The following MYO1D variants were observed in gnomAD, a reference collection of about 807,000 sequenced individuals.
MYO1D encodes the protein myosin ID, also known as unconventional myosin-Id.
In MYO1D, 83 loss-of-function variants were observed where a neutral mutation model predicts 122.0. The observed-to-expected ratio is 0.68, with a 90% CI of 0.57 to 0.82. The LOEUF (loss-of-function observed/expected upper bound fraction) is 0.82. Among genes scored for constraint, MYO1D ranks in the 40% least tolerant of loss-of-function variants. The pLI, the probability that MYO1D is intolerant of heterozygous loss-of-function variation, is 0.00. For missense variants in MYO1D, 1,157 were observed against 1,269.5 expected (o/e 0.91, Z 1.35); for synonymous variants, 464 against 446.9 (o/e 1.04, Z -0.48).
Position 32,494,795 on chromosome 17 carries a change from A to C in MYO1D, c.2985T>G (p.Asn995Lys). The change falls in exon 22 of 22, where the codon AAT becomes AAG. Residue 995 changes from asparagine to lysine, a missense_variant. Transcript: ENST00000318217. Reference protein sequence around the residue: ...LNQPQPDFTKNRSGFILSVPG... With the variant: ...LNQPQPDFTKKRSGFILSVPG... ...GCACGCTGAGGATGAAGCCCGAGCG[A>C]TTCTTGGTGAAGTCGGGCTGGGGCT... is the stretch of plus-strand genomic sequence containing the variant. 1 of 1,612,664 alleles carries C rather than the reference A, an allele frequency of 6.2e-7. No individual in the cohort carries two copies. Among genetic ancestry groups the C allele is most frequent in the Non-Finnish European group, 8.5e-7 (1 of 1,179,404 alleles).
chr17:32,726,419 C>CAA (rs61627449), intron 14 of MYO1D, among the ~76,000 whole-genome samples: 31 of 136,038 alleles, frequency 2.3e-4, no homozygotes, highest in East Asian at 8.1e-4. Context: ...GACCCTGTCT[C>CAA]AAAAAAAAAA....
chr17:32,674,805 T>C (rs549923147), intron 16 of MYO1D, among the ~76,000 whole-genome samples: 6 of 152,276 alleles, frequency 3.9e-5, no homozygotes, highest in Non-Finnish European at 8.8e-5. Context: ...AATGCAGCCC[T>C]GCATCCCAAA....
At chr17:32,636,827 G>A (rs1292663493) in intron 20 of MYO1D, among the ~76,000 whole-genome samples, 1 of 152,206 alleles carries the variant, frequency 6.6e-6, no homozygotes, top group Non-Finnish European at 1.5e-5. Context: ...GGCAAAGCAG[G>A]TTTGGCAGCC....
Position 32,765,082 on chromosome 17 carries a change from C to A in MYO1D, c.832-1G>T, listed in dbSNP as rs1567630615. On this transcript the variant is annotated splice_acceptor_variant, in intron 7 of 21. Transcript: ENST00000318217. LOFTEE classifies it high-confidence loss of function. ...CATCTACTACAAATTTTAAATTTCC[C>A]TGTATCAAAAGTGAAAAAAATAACA... 9.3e-6 allele frequency: 15 copies of A among 1,609,520 alleles called. No homozygotes were observed. The highest frequency in any genetic ancestry group is 1.3e-5 in the Non-Finnish European group (15 of 1,176,804).
At chr17:32,768,405 T>C (rs967976589) in intron 6 of MYO1D, among the ~76,000 whole-genome samples, 1 of 152,194 alleles carries the variant, frequency 6.6e-6, no homozygotes, top group African/African-American at 2.4e-5. Flanking sequence ...GGCCATCACA[T>C]TGGAAATACA....
chr17:32,845,669 CTTAAA>C (rs1222700389), intron 1 of MYO1D, among the ~76,000 whole-genome samples: 3 of 152,248 alleles, frequency 2.0e-5, no homozygotes, highest in Non-Finnish European at 2.9e-5. Context: ...GGCTATTAAA[CTTAAA>C]TTAAAGGGAA....
At chr17:32,639,823 C>T (rs1218632842) in intron 19 of MYO1D, among the ~76,000 whole-genome samples, 1 of 152,114 alleles carries the variant, frequency 6.6e-6, no homozygotes, top group Non-Finnish European at 1.5e-5. Flanking sequence ...AAAAAGCCCT[C>T]CTCAACTAGA....
chr17:32,615,224 G>C (rs1056712950), intron 20 of MYO1D, among the ~76,000 whole-genome samples: 10 of 152,198 alleles, frequency 6.6e-5, no homozygotes, highest in Non-Finnish European at 1.0e-4. Flanking sequence ...AGCTGGAAAG[G>C]TTCTGAGAGA....
intron 1 of MYO1D, among the ~76,000 whole-genome samples, chr17:32,784,983 C>T (rs549980511): frequency 6.6e-6 from 1 of 152,198 alleles, no homozygotes; most frequent in South Asian, 2.1e-4. Context: ...AGGGAGTTTA[C>T]ATTTGATGTG....
At chr17:32,620,854 T>C (rs988953905) in intron 20 of MYO1D, among the ~76,000 whole-genome samples, 2 of 152,132 alleles carry the variant, frequency 1.3e-5, no homozygotes, top group Non-Finnish European at 2.9e-5. Context: ...CTTTTAAGAA[T>C]TTGAAAAAAG....
chr17:32,679,515 G>A (rs1228882025), intron 16 of MYO1D, among the ~76,000 whole-genome samples: 1 of 151,878 alleles, frequency 6.6e-6, no homozygotes, highest in East Asian at 1.9e-4. Context: ...ATTAAATAGG[G>A]AATCCTTTCC....
intron 4 of MYO1D, among the ~76,000 whole-genome samples, chr17:32,773,531 C>G (rs1247181338): frequency 2.1e-5 from 3 of 140,170 alleles, no homozygotes; most frequent in Non-Finnish European, 3.1e-5. Context: ...CCACTCCCTA[C>G]CCCCACCCCC....
chr17:32,806,335 T>G (rs538071938), intron 1 of MYO1D, among the ~76,000 whole-genome samples: 1 of 152,310 alleles, frequency 6.6e-6, no homozygotes, highest in South Asian at 2.1e-4. Flanking sequence ...GTTTTTCAAT[T>G]AGAGTTTAAA....
At chr17:32,646,587 A>G (rs566558505) in intron 19 of MYO1D, among the ~76,000 whole-genome samples, 23 of 152,274 alleles carry the variant, frequency 1.5e-4, no homozygotes, top group Admixed American at 1.4e-3. Flanking sequence ...TAATTTCATA[A>G]GGTCATTCCA....
At chr17:32,564,596 C>T (rs1490153916) in intron 21 of MYO1D, among the ~76,000 whole-genome samples, 2 of 152,176 alleles carry the variant, frequency 1.3e-5, no homozygotes, top group African/African-American at 4.8e-5. Context: ...AGGGATGAGT[C>T]AAATATATTT....
At chr17:32,555,264 AG>A (rs11297176) in intron 21 of MYO1D, among the ~76,000 whole-genome samples, 41,801 of 151,604 alleles carry the variant, frequency 0.28, 5,969 homozygotes, top group Middle Eastern at 0.37. Flanking sequence ...AGATATTACA[AG>A]CTGTGCTGGA....
chr17:32,869,508 A>G (rs1281865918), intron 1 of MYO1D, among the ~76,000 whole-genome samples: 3 of 152,186 alleles, frequency 2.0e-5, no homozygotes, highest in African/African-American at 7.2e-5. Flanking sequence ...GCAATAATAC[A>G]ATGACCCAAA....
At chr17:32,645,469 G>A (rs1382295018) in intron 19 of MYO1D, among the ~76,000 whole-genome samples, 1 of 152,168 alleles carries the variant, frequency 6.6e-6, no homozygotes, top group African/African-American at 2.4e-5. Flanking sequence ...GGTTGGGGAA[G>A]TTCTCCTGGA....
At chr17:32,593,170 C>T (rs1277041899) in intron 21 of MYO1D, among the ~76,000 whole-genome samples, 1 of 152,146 alleles carries the variant, frequency 6.6e-6, no homozygotes, top group Non-Finnish European at 1.5e-5. Context: ...AGGACAATAG[C>T]CCAGAGAACA....
Sources: allele counts gnomAD v4.1 joint callset (sites outside exome capture counted in the v4.1 genomes callset), GRCh38; gene constraint gnomAD v4.1.1; transcripts MANE v1.5; gene names NCBI Gene and HGNC (gene_info 2026-07-23, HGNC 2026-07-21).